CELF2: variants seen among roughly 807,000 people sequenced by gnomAD.
CELF2 encodes CUGBP Elav-like family member 2.
Under a neutral mutation model 62.6 loss-of-function variants are expected in CELF2, and 8 were observed. The ratio of observed to expected loss-of-function variants is 0.13; its 90% confidence interval spans 0.07 to 0.23. The LOEUF is 0.23. Ranked by LOEUF, CELF2 falls within the 10% of genes least tolerant of loss-of-function variation. The pLI is 1.00. For synonymous variants in CELF2, 258 were observed against 250.0 expected, an observed-to-expected ratio of 1.03 and a Z score of -0.30; for missense variants, 333 against 671.0, an observed-to-expected ratio of 0.50 and a Z score of 5.56.
the CELF2 span, among the ~76,000 whole-genome samples, chr10:10,696,422 C>G: frequency 3.3e-5 from 5 of 150,438 alleles, no homozygotes; most frequent in Non-Finnish European, 5.9e-5. Flanking sequence ...CAGACAGGGA[C>G]ATTTAAGTCT....
At chr10:11,086,452 A>G (rs569330356) in intron 1 of CELF2, among the ~76,000 whole-genome samples, 11 of 151,948 alleles carry the variant, frequency 7.2e-5, no homozygotes, top group Non-Finnish European at 1.3e-4. Flanking sequence ...CAACATTCCA[A>G]CATCATTATG....
At chr10:10,867,286 G>A (rs983597404) in intron 1 of CELF2, among the ~76,000 whole-genome samples, 20 of 152,200 alleles carry the variant, frequency 1.3e-4, no homozygotes, top group Non-Finnish European at 4.4e-5. Context: ...ACACCATTGA[G>A]TGTGGACAAA....
At chr10:10,994,668 G>A (rs2053766909) in intron 2 of CELF2, among the ~76,000 whole-genome samples, 1 of 152,174 alleles carries the variant, frequency 6.6e-6, no homozygotes, top group African/African-American at 2.4e-5. Flanking sequence ...CCTTATGAGA[G>A]TCTAATGCCT....
chr10:10,539,884 T>C, the CELF2 span, among the ~76,000 whole-genome samples: 12 of 152,174 alleles, frequency 7.9e-5, no homozygotes, highest in Non-Finnish European at 1.8e-4. Context: ...CCAGGTGGCA[T>C]AGGGCATCTT....
chr10:11,064,913 A>G (rs1255065939), intron 1 of CELF2, among the ~76,000 whole-genome samples: 4 of 152,168 alleles, frequency 2.6e-5, no homozygotes, highest in Admixed American at 2.6e-4. Flanking sequence ...ATACTGCAAA[A>G]GCTTTGCAGG....
the CELF2 span, among the ~76,000 whole-genome samples, chr10:10,491,727 A>G: frequency 6.6e-6 from 1 of 152,190 alleles, no homozygotes; most frequent in Non-Finnish European, 1.5e-5. Flanking sequence ...TTAAATAGTC[A>G]ATTCAGTTAA....
chr10:11,134,321 T>C (rs1041998765), intron 1 of CELF2, among the ~76,000 whole-genome samples: 2 of 152,222 alleles, frequency 1.3e-5, no homozygotes, highest in African/African-American at 4.8e-5. Flanking sequence ...GTTTGGATTC[T>C]GTAGTTGCGC....
the CELF2 span, among the ~76,000 whole-genome samples, chr10:10,598,693 T>C: frequency 6.6e-6 from 1 of 151,960 alleles, no homozygotes; most frequent in South Asian, 2.1e-4. Flanking sequence ...ATTATGGGAT[T>C]TCACCAACAT....
chr10:11,085,530 A>G (rs536058484), intron 1 of CELF2, among the ~76,000 whole-genome samples: 1 of 152,350 alleles, frequency 6.6e-6, no homozygotes, highest in East Asian at 1.9e-4. Context: ...ACTTTTATGT[A>G]TAATAATTCA....
At chr10:10,844,290 T>G (rs2058873016) in intron 1 of CELF2, among the ~76,000 whole-genome samples, 1 of 151,998 alleles carries the variant, frequency 6.6e-6, no homozygotes, top group Non-Finnish European at 1.5e-5. Flanking sequence ...TTTCAAAACA[T>G]TCAGAACAAG....
intron 1 of CELF2, among the ~76,000 whole-genome samples, chr10:11,153,800 T>A (rs945081120): frequency 6.6e-6 from 1 of 152,242 alleles, no homozygotes; most frequent in Non-Finnish European, 1.5e-5. Context: ...GGTACCTGAA[T>A]GGATTTCTTT....
At chr10:11,074,256 T>C (rs1357013756) in intron 1 of CELF2, among the ~76,000 whole-genome samples, 1 of 152,202 alleles carries the variant, frequency 6.6e-6, no homozygotes, top group Non-Finnish European at 1.5e-5. Context: ...TCAACTATTA[T>C]CCCATGAGGG....
chr10:10,775,700 G>A, the CELF2 span, among the ~76,000 whole-genome samples: 2 of 152,062 alleles, frequency 1.3e-5, no homozygotes, highest in Non-Finnish European at 2.9e-5. Context: ...GGCATCATAA[G>A]AATTCCAGAT....
intron 1 of CELF2, among the ~76,000 whole-genome samples, chr10:11,073,488 A>G (rs1034359425): frequency 2.0e-5 from 3 of 152,224 alleles, no homozygotes; most frequent in Non-Finnish European, 4.4e-5. Context: ...AGGGTCTGGA[A>G]TTTTGTTCAT....
chr10:10,832,249 C>G (rs1359076830), intron 1 of CELF2, among the ~76,000 whole-genome samples: 1 of 148,874 alleles, frequency 6.7e-6, no homozygotes, highest in African/African-American at 2.5e-5. Flanking sequence ...GCCTGGGCAA[C>G]AGAGCGAGAC....
upstream of CELF2, among the ~76,000 whole-genome samples, chr10:11,017,426 G>A (rs974840794): frequency 4.6e-5 from 7 of 152,202 alleles, no homozygotes; most frequent in Non-Finnish European, 1.0e-4. This position sits in a 1 kb window ranked among gnomAD's most constrained non-coding sequence, Gnocchi z 5.5. Flanking sequence ...GTCCCTAAAT[G>A]TCACTTGGGT....
intron 1 of CELF2, among the ~76,000 whole-genome samples, chr10:10,886,785 G>A (rs1222885179): frequency 1.3e-5 from 2 of 152,218 alleles, no homozygotes; most frequent in East Asian, 1.9e-4. Context: ...GCAGTGAGCT[G>A]TGATCACACC....
intron 1 of CELF2, among the ~76,000 whole-genome samples, chr10:10,807,050 T>C (rs1263370848): frequency 6.6e-6 from 1 of 152,228 alleles, no homozygotes; most frequent in African/African-American, 2.4e-5. Context: ...ATGATATTTA[T>C]ATAAGTGCAG....
At chr10:10,979,161 G>A (rs968767084) in intron 2 of CELF2, among the ~76,000 whole-genome samples, 1 of 152,166 alleles carries the variant, frequency 6.6e-6, no homozygotes, top group Non-Finnish European at 1.5e-5. Context: ...GAAAGAGGAA[G>A]GGTAACTGGG....
Sources: gnomAD v4.1 joint callset for allele counts (sites outside exome capture counted in the v4.1 genomes callset) on GRCh38, gnomAD v4.1.1 for gene constraint, Gnocchi (gnomAD v3.1) non-coding constraint, MANE v1.5 for transcripts, NCBI Gene and HGNC (gene_info 2026-07-23, HGNC 2026-07-21) for gene names.